ZNF91: variants seen among roughly 807,000 people sequenced by gnomAD.
ZNF91 encodes the protein zinc finger protein 91 (HPF7, HTF10).
ZNF91 carries 7 observed loss-of-function variants against 12.6 expected under a neutral mutation model. That is an observed-to-expected ratio of 0.55 (90% CI 0.31 to 1.04). The LOEUF (loss-of-function observed/expected upper bound fraction) is 1.04, where lower values mean the gene tolerates loss of function less well. Ranked by LOEUF, ZNF91 falls within the 50% of genes least tolerant of loss-of-function variation. ZNF91 has a pLI of 0.05. For synonymous variants in ZNF91, 453 were observed against 462.6 expected (o/e 0.98, Z 0.27); for missense variants, 1,217 against 1,385.4 (o/e 0.88, Z 1.93).
At chr19:23,331,235 C>G (rs949420104) in intron 1 of ZNF91, among the ~76,000 whole-genome samples, 1 of 151,848 alleles carries the variant, frequency 6.6e-6, no homozygotes, top group African/African-American at 2.4e-5. Flanking sequence ...TGTGGTAAGA[C>G]TAAGTGAATG....
chr19:23,391,178 CT>C (rs2145142944), intron 1 of ZNF91, among the ~76,000 whole-genome samples: 1 of 152,062 alleles, frequency 6.6e-6, no homozygotes, highest in East Asian at 1.9e-4. Context: ...TTTTTTTGCT[CT>C]CTTTTCTTAC....
At chr19:23,308,929 T>TA (rs1967432125) in exon 2 of ZNF91, 1 of 152,120 alleles carries the variant, frequency 6.6e-6, no homozygotes. Context: ...AGCACCTAAG[T>TA]AATGGTGACT....
At chr19:23,375,736 C>A (rs754507312) in intron 1 of ZNF91, among the ~76,000 whole-genome samples, 7 of 151,686 alleles carry the variant, frequency 4.6e-5, no homozygotes, top group Non-Finnish European at 8.8e-5. Context: ...AGGGCAGCTG[C>A]CAGATTAAAT....
chr19:23,339,080 T>C (rs1341569707), intron 3 of ZNF91: 1 of 149,068 alleles, frequency 6.7e-6, no homozygotes, highest in East Asian at 2.0e-4. Flanking sequence ...AAAGTATAGA[T>C]TTATGAAATG....
At chr19:23,335,407 T>C (rs1163996229), downstream of ZNF91, among the ~76,000 whole-genome samples, 3 of 152,232 alleles carry the variant, frequency 2.0e-5, no homozygotes, top group Non-Finnish European at 4.4e-5. Flanking sequence ...TCTTCAGCTA[T>C]GCCCTGCCCC....
chr19:23,308,402 C>A (rs1299895934), intron 2 of ZNF91: 1 of 152,184 alleles, frequency 6.6e-6, no homozygotes, highest in Non-Finnish European at 1.5e-5. Flanking sequence ...TATTACTCCT[C>A]TTTTTTACCT....
chr19:23,318,286 C>T (rs563186371), intron 1 of ZNF91, among the ~76,000 whole-genome samples: 1 of 152,160 alleles, frequency 6.6e-6, no homozygotes, highest in South Asian at 2.1e-4. Context: ...TGGTCCCTGC[C>T]TACAGGAGGC....
chr19:23,333,082 ACT>A, intron 1 of ZNF91, among the ~76,000 whole-genome samples: 1 of 151,674 alleles, frequency 6.6e-6, no homozygotes, highest in East Asian at 1.9e-4. Context: ...ATCATGGGGG[ACT>A]CTCTTATCTT....
intron 1 of ZNF91, among the ~76,000 whole-genome samples, chr19:23,375,779 T>C (rs939887320): frequency 3.9e-5 from 6 of 152,018 alleles, no homozygotes; most frequent in Non-Finnish European, 8.8e-5. Flanking sequence ...TGCATAAAGA[T>C]ACTTAATGAT....
At chr19:23,323,151 C>T (rs1404245480) in intron 1 of ZNF91, among the ~76,000 whole-genome samples, 21 of 138,534 alleles carry the variant, frequency 1.5e-4, no homozygotes, top group African/African-American at 5.7e-4. Context: ...TTTCCTTCGC[C>T]TCTCCTCCTC....
At chr19:23,366,690 G>T (rs1667493359) in intron 3 of ZNF91, among the ~76,000 whole-genome samples, 1 of 152,188 alleles carries the variant, frequency 6.6e-6, no homozygotes, top group Non-Finnish European at 1.5e-5. Context: ...AAGGAGCCAG[G>T]TTCTTCTAAC....
At chr19:23,382,636 G>A (rs762524722) in intron 1 of ZNF91, among the ~76,000 whole-genome samples, 5 of 152,076 alleles carry the variant, frequency 3.3e-5, no homozygotes, top group Non-Finnish European at 5.9e-5. Flanking sequence ...AAAATCCTCA[G>A]GAAATTCAAA....
chr19:23,352,623 T>C (rs1018871991), intron 3 of ZNF91, among the ~76,000 whole-genome samples: 2 of 152,028 alleles, frequency 1.3e-5, no homozygotes, highest in African/African-American at 4.8e-5. Context: ...AATATTAACA[T>C]TGAATGTAAA....
intron 1 of ZNF91, among the ~76,000 whole-genome samples, chr19:23,378,211 A>C (rs964243903): frequency 1.1e-4 from 17 of 152,172 alleles, no homozygotes; most frequent in Admixed American, 2.0e-4. Flanking sequence ...TTTATCTGCT[A>C]TTGGGTTTCA....
rs1968579367 is a variant in ZNF91, at chr19:23,358,953, T to C, written c.*450A>G. 2 of 348,046 alleles carry C rather than the reference T, an allele frequency of 5.7e-6. No homozygotes were observed. Among genetic ancestry groups the C allele is most frequent in the Admixed American group, 3.4e-5 (1 of 29,260 alleles). 21.6% of individuals were successfully genotyped at this position (348,046 alleles called of 1,614,324 possible). A position where few individuals can be genotyped will look rare whatever the true frequency, so the allele number is the denominator to read the frequency against. On this transcript the variant is annotated 3_prime_UTR_variant, in exon 4 of 4. Coordinates refer to ENST00000300619, the MANE Select transcript of ZNF91 (RefSeq NM_003430.4). ...TACCACATTATTCACACTTGTAAGA[T>C]TTCTCTCCAATATGAGTTATCTTAT...
chr19:23,394,379 T>C (rs909846310), intron 1 of ZNF91, among the ~76,000 whole-genome samples: 3 of 152,166 alleles, frequency 2.0e-5, no homozygotes, highest in Non-Finnish European at 4.4e-5. Context: ...TAAGCAACTA[T>C]AAACTGCCAA....
rs1045476903 is a variant in ZNF91 at position 23,382,006 on chromosome 19, C to T, written c.31-7242G>A. ...GAACAATCTTTTGCCAAAGCAAAAA[C>T]GAAGCAATTAATCTCGGGTCCCAGA... is the stretch of plus-strand genomic sequence containing the variant. On this transcript the variant is annotated intron_variant, in intron 1 of 3. Transcript: ENST00000300619. Among the ~76,000 whole-genome samples, 119 of 110,122 alleles carry T rather than the reference C, an allele frequency of 1.1e-3. 1 individual carries two copies. The highest frequency in any genetic ancestry group is 2.9e-4 in the Non-Finnish European group (16 of 55,686). The allele number at this position is 110,122 out of a possible 152,430, so 72.2% of individuals were successfully genotyped here. A position where few individuals can be genotyped will look rare whatever the true frequency, so the allele number is the denominator to read the frequency against.
intron 2 of ZNF91, chr19:23,308,117 T>A (rs1241049901): frequency 6.6e-6 from 1 of 152,084 alleles, no homozygotes; most frequent in Non-Finnish European, 1.5e-5. Context: ...TGCCTCTCGT[T>A]TTTTTTGCCT....
intron 1 of ZNF91, among the ~76,000 whole-genome samples, chr19:23,381,194 A>G (rs184496300): frequency 2.0e-5 from 3 of 152,318 alleles, no homozygotes; most frequent in Admixed American, 2.0e-4. Flanking sequence ...GGATTTTAAA[A>G]AATTTTCTGC....
Sources: gnomAD v4.1 joint callset for allele counts (sites outside exome capture counted in the v4.1 genomes callset) on GRCh38, gnomAD v4.1.1 for gene constraint, MANE v1.5 for transcripts, NCBI Gene and HGNC (gene_info 2026-07-23, HGNC 2026-07-21) for gene names.